EYS: variants seen among roughly 807,000 people sequenced by gnomAD.
The protein encoded by EYS is EGF-like photoreceptor maintenance factor.
EYS carries 250 observed loss-of-function variants against 282.1 expected under a neutral mutation model. The observed-to-expected ratio is 0.89, with a 90% confidence interval of 0.80 to 0.98. The LOEUF (loss-of-function observed/expected upper bound fraction) is 0.98, where lower values mean the gene tolerates loss of function less well. Ranked by LOEUF, EYS falls within the 50% of genes least tolerant of loss-of-function variation. The pLI is 0.00. For synonymous variants in EYS, 1,355 were observed against 1,282.9 expected, an observed-to-expected ratio of 1.06 and a Z score of -1.20; for missense variants, 4,016 against 3,709.0, an observed-to-expected ratio of 1.08 and a Z score of -2.15.
chr6:63,808,826 T>C (rs1490816984), intron 36 of EYS, among the ~76,000 whole-genome samples: 2 of 152,216 alleles, frequency 1.3e-5, no homozygotes, highest in Non-Finnish European at 2.9e-5. Flanking sequence ...GGGCTCAGTA[T>C]GAAACAAAGA....
At chr6:63,946,380 T>C (rs150837438) in intron 35 of EYS, among the ~76,000 whole-genome samples, 1 of 152,222 alleles carries the variant, frequency 6.6e-6, no homozygotes, top group Admixed American at 6.5e-5. Context: ...TAGTTCTTTA[T>C]AGAGTTTTAT....
chr6:65,338,946 T>G (rs1770094989), intron 10 of EYS, among the ~76,000 whole-genome samples: 1 of 151,194 alleles, frequency 6.6e-6, no homozygotes, highest in Non-Finnish European at 1.5e-5. Flanking sequence ...CCAGCTATCA[T>G]TTCAGGGAAT....
intron 19 of EYS, among the ~76,000 whole-genome samples, chr6:64,861,583 G>C (rs1766240718): frequency 6.6e-6 from 1 of 152,164 alleles, no homozygotes; most frequent in Admixed American, 6.5e-5. Flanking sequence ...TGCAGCTGAG[G>C]AAGGCAAGGC....
chr6:63,994,432 C>T lies in EYS; in HGVS notation c.6834+4643G>A, dbSNP rs115558024. The stretch of plus-strand genomic sequence containing the variant: ...CAGGAATTCCCTGTTAGTCACAAGT[C>T]AATTCTCTTCCACTAGTAACTGAGA... On this transcript the variant is annotated intron_variant, in intron 34 of 42. Coordinates refer to ENST00000503581, the MANE Select transcript of EYS (RefSeq NM_001142800.2). Among the ~76,000 whole-genome samples the T allele has an allele frequency of 7.9e-3, 1,204 of 151,968 alleles. 9 individuals carry two copies. The highest frequency in any genetic ancestry group is 0.027 in the African/African-American group (1,108 of 41,512).
In EYS at chr6:63,961,852, C is replaced by G. The variant is rs531445134; in HGVS notation, c.7055+22531G>C. On this transcript the variant is annotated intron_variant, in intron 35 of 42. Coordinates refer to ENST00000503581, the MANE Select transcript of EYS (RefSeq NM_001142800.2). ...AACATTCAGACTATAGACCAATCTTCAATGTTTCTTCAAGAATCTTCCTGT... is the reference window on the plus strand; with the variant it reads ...AACATTCAGACTATAGACCAATCTTGAATGTTTCTTCAAGAATCTTCCTGT... Among the ~76,000 whole-genome samples the G allele has an allele frequency of 3.3e-5, 5 of 152,258 alleles. No individual in the cohort carries two copies. The South Asian group carries it at 1.0e-3, about 32-fold the overall frequency.
At chr6:65,238,152 T>C (rs1766972129) in intron 12 of EYS, among the ~76,000 whole-genome samples, 1 of 151,708 alleles carries the variant, frequency 6.6e-6, no homozygotes, top group Non-Finnish European at 1.5e-5. Context: ...AGTAGTTTGC[T>C]ATACTTTTAT....
chr6:64,031,963 T>C (rs552703132), intron 33 of EYS, among the ~76,000 whole-genome samples: 7 of 152,270 alleles, frequency 4.6e-5, no homozygotes, highest in East Asian at 1.9e-4. Flanking sequence ...TTTGTTCTTT[T>C]ACTCTTTGCA....
intron 26 of EYS, among the ~76,000 whole-genome samples, chr6:64,538,909 A>G (rs1384908243): frequency 6.6e-6 from 1 of 152,212 alleles, no homozygotes; most frequent in African/African-American, 2.4e-5. Flanking sequence ...TAACATATCT[A>G]GTAATTGCGC....
intron 12 of EYS, among the ~76,000 whole-genome samples, chr6:65,128,180 G>A (rs559624156): frequency 2.6e-5 from 4 of 151,562 alleles, no homozygotes; most frequent in East Asian, 1.9e-4. Context: ...ATCCGATCAA[G>A]GTAGAAAAAG....
In EYS at chr6:64,912,503, C is replaced by T. The variant is rs377592930; in HGVS notation, c.2622G>A (p.Gln874=). ...TCTTACCTTCTCTACAAATACAATG[C>T]TGATTTGCGTCTACCAAAGCTAAGC... ...STCLALVDAN[Q]HCICREEFEG... is the part of the protein sequence containing the mutation. The change falls in exon 16 of 43, where the codon CAG becomes CAA. Residue 874 remains glutamine (Q), a synonymous_variant. Transcript: ENST00000503581. 15 of 1,551,024 alleles carry T rather than the reference C, an allele frequency of 9.7e-6. No individual in the cohort carries two copies. Among genetic ancestry groups the T allele is most frequent in the African/African-American group, 9.6e-5 (7 of 73,128 alleles).
chr6:64,829,750 C>T (rs1765160801), intron 19 of EYS, among the ~76,000 whole-genome samples: 1 of 151,838 alleles, frequency 6.6e-6, no homozygotes, highest in South Asian at 2.1e-4. Context: ...ATGCTTTGTT[C>T]CCAATAGGTA....
intron 31 of EYS, among the ~76,000 whole-genome samples, chr6:64,212,382 C>T (rs906170239): frequency 3.0e-4 from 45 of 151,738 alleles, no homozygotes; most frequent in African/African-American, 1.1e-3. Flanking sequence ...AAAGGCAAAA[C>T]ACCAAGATAA....
chr6:65,128,073 T>TGC (rs567667613), intron 12 of EYS, among the ~76,000 whole-genome samples: 1 of 152,028 alleles, frequency 6.6e-6, no homozygotes, highest in South Asian at 2.1e-4. Flanking sequence ...AGTAAGAACT[T>TGC]CCCATGGTCA....
At chr6:65,644,916 T>C (rs1994603) in intron 1 of EYS, among the ~76,000 whole-genome samples, 123,618 of 152,104 alleles carry the variant, frequency 0.81, 50,585 homozygotes, top group Non-Finnish European at 0.86. Context: ...CTAAAAGGAG[T>C]GATAAGACTT....
intron 23 of EYS, among the ~76,000 whole-genome samples, chr6:64,622,046 C>T (rs1477141039): frequency 6.6e-6 from 1 of 152,064 alleles, no homozygotes; most frequent in Admixed American, 6.5e-5. Flanking sequence ...TGGAAATGAG[C>T]TCAAAAACCC....
intron 31 of EYS, among the ~76,000 whole-genome samples, chr6:64,111,048 G>C (rs34051386): frequency 0.25 from 37,547 of 151,934 alleles, 4,943 homozygotes; most frequent in East Asian, 0.42. Context: ...GACTAGAGGA[G>C]TTTAAATGCT....
chr6:64,617,445 C>A lies in EYS; in HGVS notation c.3657G>T (p.Ser1219=), dbSNP rs1028539228. The change falls in exon 24 of 43, where the codon TCG becomes TCT. Residue 1219 remains serine, a synonymous_variant. Transcript: ENST00000503581. ...HELCMENEPG[S]TCLCTPGFMT... ...TAAATCCAGGTGTGCATAAACATGT[C>A]GAGCCAGGTTCATTCTCCATGCAGA... 28 of 1,550,166 alleles carry A rather than the reference C, an allele frequency of 1.8e-5. No individual in the cohort carries two copies. In the African/African-American group the frequency reaches 2.7e-4, roughly 15 times the overall value.
chr6:64,987,826 A>G (rs1166427513), intron 14 of EYS, among the ~76,000 whole-genome samples: 1 of 151,564 alleles, frequency 6.6e-6, no homozygotes, highest in East Asian at 1.9e-4. Flanking sequence ...TGTATATAGT[A>G]ATAAGAATTT....
intron 22 of EYS, among the ~76,000 whole-genome samples, chr6:64,659,975 C>T (rs1390917946): frequency 2.0e-5 from 3 of 152,044 alleles, no homozygotes; most frequent in Non-Finnish European, 4.4e-5. Flanking sequence ...AATATCGAGG[C>T]AAAAATCCTC....
Sources: allele counts gnomAD v4.1 joint callset (sites outside exome capture counted in the v4.1 genomes callset), GRCh38; gene constraint gnomAD v4.1.1; transcripts MANE v1.5; gene names NCBI Gene and HGNC (gene_info 2026-07-23, HGNC 2026-07-21).